The following CCDC110 variants were observed in gnomAD, a reference collection of about 807,000 sequenced individuals.
The protein encoded by CCDC110 is coiled-coil domain containing 110.
A neutral mutation model predicts 77.1 loss-of-function variants in CCDC110; 70 were observed. The observed-to-expected ratio is 0.91, with a 90% CI of 0.75 to 1.11. CCDC110 has a LOEUF of 1.11. CCDC110 is among the 50% of genes least tolerant of loss of function. The probability of loss-of-function intolerance (pLI) is 0.00; values close to 1 mark genes in which losing one functional copy is unlikely to be tolerated. For missense variants in CCDC110, 868 were observed against 942.9 expected, an observed-to-expected ratio of 0.92 and a Z score of 1.04; for synonymous variants, 295 against 312.5, an observed-to-expected ratio of 0.94 and a Z score of 0.59.
chr4:185,457,840 T>C, intron 6 of CCDC110: 1 of 1,328,826 alleles, frequency 7.5e-7, no homozygotes, highest in South Asian at 1.4e-5. Flanking sequence ...AAGAATTCTT[T>C]TAAGGTGGGA....
At chr4:185,454,226 C>T (rs953404755) in intron 6 of CCDC110, among the ~76,000 whole-genome samples, 3 of 152,096 alleles carry the variant, frequency 2.0e-5, no homozygotes, top group East Asian at 1.9e-4. Context: ...GTAGAACGCA[C>T]GTTACTTTAC....
intron 3 of CCDC110, 38 bp downstream of exon 3, chr4:185,462,956 C>T (rs1328734504): frequency 6.5e-7 from 1 of 1,538,724 alleles, no homozygotes; most frequent in East Asian, 2.2e-5. Context: ...AGCCTTTACC[C>T]AGAATTTTGG....
Position 185,466,112 on chromosome 4 carries a change from G to A in CCDC110, c.116-3063C>T, listed in dbSNP as rs150255437. Among the ~76,000 whole-genome samples the A allele has an allele frequency of 5.0e-3, 768 of 152,170 alleles. 3 individuals carry two copies. Among genetic ancestry groups the A allele is most frequent in the African/African-American group, 0.017 (722 of 41,524 alleles). ...ATGGATGGGCCGGGTGCAGTGGCTC[G>A]CACCTGTAATCCCAGCACTTTGGGA... is the stretch of plus-strand genomic sequence containing the variant. On this transcript the variant is annotated intron_variant, in intron 2 of 6. Coordinates refer to ENST00000307588, the MANE Select transcript of CCDC110 (RefSeq NM_152775.4).
chr4:185,462,070 C>T (rs2095647403), intron 4 of CCDC110, among the ~76,000 whole-genome samples: 2 of 152,176 alleles, frequency 1.3e-5, no homozygotes, highest in Admixed American at 1.3e-4. Flanking sequence ...CACACTCCAG[C>T]CTGGGTGACA....
intron 4 of CCDC110, among the ~76,000 whole-genome samples, chr4:185,461,837 C>A (rs539115529): frequency 6.6e-6 from 1 of 152,240 alleles, no homozygotes; most frequent in South Asian, 2.1e-4. Context: ...GTGGCTCACG[C>A]CTGTAATCCC....
intron 2 of CCDC110, among the ~76,000 whole-genome samples, chr4:185,466,100 G>A (rs1189429198): frequency 6.6e-6 from 1 of 152,198 alleles, no homozygotes; most frequent in Non-Finnish European, 1.5e-5. Context: ...GATGGGCCGG[G>A]TGCAGTGGCT....
Position 185,459,020 on chromosome 4 carries a change from T to C in CCDC110, c.1567A>G (p.Lys523Glu). 6.3e-7 allele frequency: 1 copy of C among 1,592,368 alleles called. No homozygotes were observed. The highest frequency in any genetic ancestry group is 8.5e-7 in the Non-Finnish European group (1 of 1,172,908). The change falls in exon 6 of 7, where the codon AAA becomes GAA. Residue 523 changes from lysine (K) to glutamate (E), a missense_variant. By Grantham distance (56) the Lys-to-Glu change is moderately conservative. Coordinates refer to ENST00000307588, the MANE Select transcript of CCDC110 (RefSeq NM_152775.4). ...TGTATATTTTTTTCCTCTAGAGTTTTATTTTGGCCTTGCAGAACATTATAT... is the reference window on the plus strand; with the variant it reads ...TGTATATTTTTTTCCTCTAGAGTTTCATTTTGGCCTTGCAGAACATTATAT... ...SKYNVLQGQNKTLEEKNIQLS... is the reference protein window; with the variant it reads ...SKYNVLQGQNETLEEKNIQLS...
At chr4:185,471,376 G>GGGC (rs2095667267) in intron 1 of CCDC110, 19 of 388,346 alleles carry the variant, frequency 4.9e-5, no homozygotes, top group African/African-American at 8.8e-5. Flanking sequence ...GGATGGGGCG[G>GGGC]AGGGACGGCA....
intron 6 of CCDC110, among the ~76,000 whole-genome samples, chr4:185,447,913 T>C (rs1306884508): frequency 2.0e-5 from 3 of 152,234 alleles, no homozygotes; most frequent in Admixed American, 6.5e-5. Context: ...GTGAAATGAA[T>C]AGTCCTTCTT....
rs745620588 is a variant in CCDC110, at chr4:185,461,082, AT to A, written c.314del (p.Asn105IlefsTer42). The A allele has an allele frequency of 3.1e-6, 5 of 1,600,100 alleles. No individual in the cohort carries two copies. The East Asian group carries it at 9.0e-5, about 29-fold the overall frequency. Reference protein sequence around the residue: ...VENPQFSSEKNLVFGTRIEKD... With the variant: ...VENPQFSSEKXLVFGTRIEKD... Reference sequence around the variant, plus strand: ...TTTCAATGCGCGTGCCAAACACCAGATTTTTTTCTGAGCTAAATTGTGGGTT... The same window carrying A: ...TTTCAATGCGCGTGCCAAACACCAGATTTTTTCTGAGCTAAATTGTGGGTT... On this transcript the variant is annotated frameshift_variant, in exon 5 of 7. Coordinates refer to ENST00000307588, the MANE Select transcript of CCDC110 (RefSeq NM_152775.4). LOFTEE classifies it high-confidence loss of function.
intron 6 of CCDC110, chr4:185,457,420 T>C (rs1361545963): frequency 2.6e-6 from 1 of 380,408 alleles, no homozygotes; most frequent in Non-Finnish European, 5.1e-6. Flanking sequence ...TGTGTGATCC[T>C]CTTTACACTG....
intron 4 of CCDC110, among the ~76,000 whole-genome samples, chr4:185,462,153 C>T (rs1251540295): frequency 6.6e-6 from 1 of 152,144 alleles, no homozygotes; most frequent in Non-Finnish European, 1.5e-5. Flanking sequence ...AAGAACTGGA[C>T]CTTCTAGCAG....
chr4:185,470,239 A>T (rs929342919), intron 2 of CCDC110, among the ~76,000 whole-genome samples: 1 of 152,162 alleles, frequency 6.6e-6, no homozygotes, highest in Non-Finnish European at 1.5e-5. Context: ...TCCACAGGGG[A>T]TTGGTTCCAG....
At chr4:185,467,189 T>C (rs7677639) in intron 2 of CCDC110, among the ~76,000 whole-genome samples, 31,112 of 152,182 alleles carry the variant, frequency 0.2, 3,971 homozygotes, top group African/African-American at 0.36. Flanking sequence ...TTTAGATTCA[T>C]GGTATGACTC....
At chr4:185,460,316 G>C in intron 5 of CCDC110, 78 bp from the exon 6 acceptor site, 1 of 1,112,836 alleles carries the variant, frequency 9.0e-7, no homozygotes, top group Non-Finnish European at 1.3e-6. Flanking sequence ...ATTTTGTGGA[G>C]GGTTTATTTA....
chr4:185,457,715 T>TG (rs1189749769), intron 6 of CCDC110: 20 of 1,175,034 alleles, frequency 1.7e-5, no homozygotes, highest in Non-Finnish European at 2.0e-5. Context: ...AATTATTTTG[T>TG]GGGGGGAAAA....
chr4:185,467,428 C>CAAAG (rs1447411619), intron 2 of CCDC110, among the ~76,000 whole-genome samples: 8 of 152,140 alleles, frequency 5.3e-5, no homozygotes, highest in African/African-American at 1.9e-4. Flanking sequence ...GGGAAATTAT[C>CAAAG]AAAGAACCCA....
intron 2 of CCDC110, among the ~76,000 whole-genome samples, chr4:185,470,421 T>C (rs529887179): frequency 6.6e-6 from 1 of 152,332 alleles, no homozygotes; most frequent in Non-Finnish European, 1.5e-5. Flanking sequence ...CTGTTCAAAA[T>C]TTGCATTTAA....
Position 185,471,021 on chromosome 4 carries a change from A to G in CCDC110, c.39T>C (p.Val13=). ...TGGACGCTGAAAGGAGAACGGAGTC[A>G]ACTTCATCCTCTTCCCGGTGCTGCT... is the stretch of plus-strand genomic sequence containing the variant. ...PEKQHREEDE[V]DSVLLSASKI... Residue 13 remains valine (V), a synonymous_variant, in exon 2 of 7, where the codon GTT becomes GTC. Coordinates refer to ENST00000307588, the MANE Select transcript of CCDC110 (RefSeq NM_152775.4). 6.3e-7 allele frequency: 1 copy of G among 1,598,828 alleles called. No individual in the cohort carries two copies. The highest frequency in any genetic ancestry group is 8.5e-7 in the Non-Finnish European group (1 of 1,176,190).
Sources: allele counts gnomAD v4.1 joint callset (sites outside exome capture counted in the v4.1 genomes callset), GRCh38; gene constraint gnomAD v4.1.1; transcripts MANE v1.5; gene names NCBI Gene and HGNC (gene_info 2026-07-23, HGNC 2026-07-21).